SLIT2: variants seen among roughly 807,000 people sequenced by gnomAD.
The protein encoded by SLIT2 is slit guidance ligand 2.
In SLIT2, 41 loss-of-function variants were observed where a neutral mutation model predicts 185.7. The observed-to-expected ratio is 0.22, with a 90% CI of 0.17 to 0.29. SLIT2 has a LOEUF of 0.29. SLIT2 is among the 10% of genes least tolerant of loss of function. The probability of loss-of-function intolerance (pLI) is 1.00; values close to 1 mark genes in which losing one functional copy is unlikely to be tolerated. For missense variants in SLIT2, 1,571 were observed against 1,909.0 expected, an observed-to-expected ratio of 0.82 and a Z score of 3.30; for synonymous variants, 693 against 680.2, an observed-to-expected ratio of 1.02 and a Z score of -0.29.
chr4:20,316,819 C>CTT (rs751761001), intron 4 of SLIT2, among the ~76,000 whole-genome samples: 2 of 128,658 alleles, frequency 1.6e-5, no homozygotes, highest in Non-Finnish European at 3.3e-5. Flanking sequence ...AGGGCTTGAG[C>CTT]TTTTTTTTTT....
intron 30 of SLIT2, among the ~76,000 whole-genome samples, chr4:20,590,793 C>T (rs559726088): frequency 6.6e-6 from 1 of 152,298 alleles, no homozygotes; most frequent in African/African-American, 2.4e-5. Flanking sequence ...ATCATCTAGT[C>T]TTCATTTAAA....
intron 11 of SLIT2, among the ~76,000 whole-genome samples, chr4:20,517,574 T>C (rs1056437264): frequency 1.3e-5 from 2 of 152,168 alleles, no homozygotes; most frequent in African/African-American, 4.8e-5. Context: ...TCTTCTCTAA[T>C]TGATGTACTT....
At chr4:20,326,335 A>T (rs942158705) in intron 4 of SLIT2, among the ~76,000 whole-genome samples, 1 of 152,000 alleles carries the variant, frequency 6.6e-6, no homozygotes, top group Non-Finnish European at 1.5e-5. Flanking sequence ...TCTCTTTTAC[A>T]CAAGAATGTG....
At chr4:20,289,201 A>G (rs1485438625) in intron 4 of SLIT2, among the ~76,000 whole-genome samples, 1 of 152,216 alleles carries the variant, frequency 6.6e-6, no homozygotes, top group Non-Finnish European at 1.5e-5. Context: ...AATTTGAATC[A>G]GTTTTCTGTT....
At chr4:20,346,299 C>G (rs1476566253) in intron 4 of SLIT2, among the ~76,000 whole-genome samples, 3 of 152,144 alleles carry the variant, frequency 2.0e-5, no homozygotes, top group Non-Finnish European at 2.9e-5. Flanking sequence ...CCGGGCCACT[C>G]TTGATATTTT....
At chr4:20,546,913 T>A (rs777242093) in intron 22 of SLIT2, among the ~76,000 whole-genome samples, 1 of 152,102 alleles carries the variant, frequency 6.6e-6, no homozygotes, top group Non-Finnish European at 1.5e-5. Context: ...GAAAGTACCG[T>A]ATCATTTGTT....
chr4:20,369,307 T>G (rs2109312867), intron 4 of SLIT2, among the ~76,000 whole-genome samples: 1 of 152,092 alleles, frequency 6.6e-6, no homozygotes, highest in African/African-American at 2.4e-5. Flanking sequence ...GTTGTAATGC[T>G]CATACATGCT....
intron 11 of SLIT2, among the ~76,000 whole-genome samples, chr4:20,516,758 A>C (rs1355946672): frequency 1.3e-5 from 2 of 152,182 alleles, no homozygotes; most frequent in Non-Finnish European, 2.9e-5. Flanking sequence ...AGTCCTGCTA[A>C]ACCTTTCTGG....
intron 4 of SLIT2, among the ~76,000 whole-genome samples, chr4:20,461,412 C>CA (rs1422575816): frequency 2.6e-5 from 4 of 151,988 alleles, no homozygotes; most frequent in Non-Finnish European, 4.4e-5. Flanking sequence ...TAGATAAGGT[C>CA]AAAAAGGGTG....
intron 4 of SLIT2, among the ~76,000 whole-genome samples, chr4:20,347,504 G>GT (rs1443429238): frequency 6.6e-6 from 1 of 152,144 alleles, no homozygotes; most frequent in African/African-American, 2.4e-5. Context: ...AGTAGGCACT[G>GT]GGTGACAGGC....
At chr4:20,551,839 A>T (rs1367967126) in intron 25 of SLIT2, among the ~76,000 whole-genome samples, 5 of 152,216 alleles carry the variant, frequency 3.3e-5, no homozygotes, top group African/African-American at 1.2e-4. Context: ...TATACATATG[A>T]TTGGAATTTT....
At chr4:20,287,343 C>T (rs923393604) in intron 4 of SLIT2, among the ~76,000 whole-genome samples, 9 of 152,168 alleles carry the variant, frequency 5.9e-5, no homozygotes, top group Non-Finnish European at 7.3e-5. Flanking sequence ...GCAAGCAATG[C>T]GCCCCATTAG....
chr4:20,566,531 G>A (rs1053155155), intron 26 of SLIT2, among the ~76,000 whole-genome samples: 6 of 152,040 alleles, frequency 3.9e-5, no homozygotes, highest in Non-Finnish European at 5.9e-5. Context: ...TACAGCTCTT[G>A]AAGTCTTTTA....
At chr4:20,349,075 A>G (rs1721661639) in intron 4 of SLIT2, among the ~76,000 whole-genome samples, 1 of 152,172 alleles carries the variant, frequency 6.6e-6, no homozygotes, top group African/African-American at 2.4e-5. Flanking sequence ...GAGAAAGTGA[A>G]GATGTTGAAC....
At chr4:20,420,465 A>G (rs1015355966) in intron 4 of SLIT2, among the ~76,000 whole-genome samples, 7 of 152,202 alleles carry the variant, frequency 4.6e-5, no homozygotes, top group Non-Finnish European at 7.3e-5. Flanking sequence ...TGGTCCTTCA[A>G]CTTTACCTGA....
intron 26 of SLIT2, among the ~76,000 whole-genome samples, chr4:20,556,327 A>G (rs1247304680): frequency 6.6e-6 from 1 of 152,034 alleles, no homozygotes; most frequent in African/African-American, 2.4e-5. Context: ...GGCAAATTTC[A>G]TGGGGAAGTT....
At chr4:20,398,850 C>T (rs1726132931) in intron 4 of SLIT2, among the ~76,000 whole-genome samples, 1 of 151,606 alleles carries the variant, frequency 6.6e-6, no homozygotes, top group Admixed American at 6.6e-5. Flanking sequence ...CTGTATTTAG[C>T]TCCGTCAATA....
At chr4:20,518,158 C>CATATAT (rs201090767) in intron 11 of SLIT2, among the ~76,000 whole-genome samples, 29 of 125,878 alleles carry the variant, frequency 2.3e-4, no homozygotes, top group Admixed American at 1.0e-3. Context: ...TATACATATA[C>CATATAT]ATACATATAC....
chr4:20,397,506 A>G (rs1016365885), intron 4 of SLIT2, among the ~76,000 whole-genome samples: 18 of 151,762 alleles, frequency 1.2e-4, no homozygotes, highest in African/African-American at 4.1e-4. Context: ...AGTTTCTTCC[A>G]GGGAATGCTG....
Sources: gnomAD v4.1 joint callset for allele counts (sites outside exome capture counted in the v4.1 genomes callset) on GRCh38, gnomAD v4.1.1 for gene constraint, MANE v1.5 for transcripts, NCBI Gene and HGNC (gene_info 2026-07-23, HGNC 2026-07-21) for gene names.